Variants in OSBP2 observed in about 807,000 individuals in gnomAD.
The protein encoded by OSBP2 is oxysterol binding protein 2.
OSBP2 carries 66 observed loss-of-function variants against 96.0 expected under a neutral mutation model. The ratio of observed to expected loss-of-function variants is 0.69; its 90% CI spans 0.56 to 0.84. OSBP2 has a LOEUF of 0.84. OSBP2 is among the 40% of genes least tolerant of loss of function. The pLI is 0.00. For missense variants in OSBP2, 1,038 were observed against 1,222.7 expected, an observed-to-expected ratio of 0.85 and a Z score of 2.25; for synonymous variants, 525 against 520.9, an observed-to-expected ratio of 1.01 and a Z score of -0.11.
At chr22:30,836,659 G>A (rs548739088) in intron 2 of OSBP2, among the ~76,000 whole-genome samples, 1 of 152,332 alleles carries the variant, frequency 6.6e-6, no homozygotes, top group South Asian at 2.1e-4. Flanking sequence ...TTCAGGCAAA[G>A]GTGCTGATGC....
chr22:30,730,802 A>T (rs1569100649), intron 1 of OSBP2, among the ~76,000 whole-genome samples: 766 of 49,270 alleles, frequency 0.016, 92 homozygotes, highest in East Asian at 0.067. Flanking sequence ...ATATATATAT[A>T]TATATAATTT....
chr22:30,895,946 C>T (rs1462925830), intron 12 of OSBP2, among the ~76,000 whole-genome samples: 1 of 150,258 alleles, frequency 6.7e-6, no homozygotes, highest in African/African-American at 2.5e-5. Flanking sequence ...CAGTATTGGA[C>T]ACAGTACTTT....
At chr22:30,746,127 G>T (rs574993637) in intron 2 of OSBP2, among the ~76,000 whole-genome samples, 2 of 152,182 alleles carry the variant, frequency 1.3e-5, no homozygotes, top group Admixed American at 6.5e-5. Context: ...AACATTTAAA[G>T]AACTTGCAAG....
intron 2 of OSBP2, among the ~76,000 whole-genome samples, chr22:30,830,490 C>T (rs1224897105): frequency 6.6e-6 from 1 of 152,156 alleles, no homozygotes; most frequent in African/African-American, 2.4e-5. Context: ...CTGGTCAGGC[C>T]CACTGGGTGC....
chr22:30,877,605 G>T (rs117843916), intron 3 of OSBP2, among the ~76,000 whole-genome samples: 93 of 152,340 alleles, frequency 6.1e-4, no homozygotes, highest in Non-Finnish European at 8.1e-4. Context: ...GGTTCCGTCT[G>T]CAGGCCAGGG....
rs2039442350 is a variant in OSBP2 at position 30,870,773 on chromosome 22, C to A, written c.1107+91C>A. 2 of 1,365,830 alleles carry A rather than the reference C, an allele frequency of 1.5e-6. No individual in the cohort carries two copies. The highest frequency in any genetic ancestry group is 1.4e-5 in the African/African-American group (1 of 69,818). 84.6% of individuals were successfully genotyped at this position (1,365,830 alleles called of 1,614,324 possible). A position where few individuals can be genotyped will look rare whatever the true frequency, so the allele number is the denominator to read the frequency against. ...GGTGACCAGGGTCAGCTTGAAGGGT[C>A]AGCGTTCCATTTCCTGCGGTTCCAC... On this transcript the variant is annotated intron_variant, in intron 3 of 13. Transcript: ENST00000332585. This position sits in a 1 kb window ranked among gnomAD's most constrained non-coding sequence, Gnocchi z 4.1.
At chr22:30,768,654 G>C (rs1422039336) in intron 2 of OSBP2, among the ~76,000 whole-genome samples, 1 of 151,866 alleles carries the variant, frequency 6.6e-6, no homozygotes, top group African/African-American at 2.4e-5. Flanking sequence ...TCCAGCCTGG[G>C]GGACAAGAGC....
rs1490328220 is a variant in OSBP2 at position 30,893,103 on chromosome 22, C to A, written c.1870-19C>A. The A allele has an allele frequency of 6.2e-7, 1 of 1,613,180 alleles. No individual in the cohort carries two copies. Among genetic ancestry groups the A allele is most frequent in the Non-Finnish European group, 8.5e-7 (1 of 1,179,796 alleles). On this transcript the variant is annotated intron_variant, in intron 8 of 13. Transcript: ENST00000332585. ...GCTCATGTCTGGCAGATGCTCACAT[C>A]CTATGGGTCTGGTCTCAGGTGAGCC...
chr22:30,820,493 G>A (rs2038251346), intron 2 of OSBP2, among the ~76,000 whole-genome samples: 1 of 152,128 alleles, frequency 6.6e-6, no homozygotes, highest in African/African-American at 2.4e-5. Context: ...TGGGAGCCCA[G>A]GGCGCAGTAA....
intron 12 of OSBP2, among the ~76,000 whole-genome samples, chr22:30,898,679 G>A (rs1165769398): frequency 6.6e-6 from 1 of 151,908 alleles, no homozygotes; most frequent in Non-Finnish European, 1.5e-5. Flanking sequence ...CACCCCCATG[G>A]TCCAATCACC....
intron 2 of OSBP2, among the ~76,000 whole-genome samples, chr22:30,749,947 G>A (rs1790880362): frequency 6.6e-6 from 1 of 152,174 alleles, no homozygotes; most frequent in Non-Finnish European, 1.5e-5. Context: ...ACCAGGAGTG[G>A]AAGCAGTGAG....
At position 30,890,288 on chromosome 22, in the gene OSBP2, G is replaced by C. The variant is rs2039915484; in HGVS notation, c.1624-440G>C. 6.6e-6 allele frequency among the ~76,000 whole-genome samples: 1 copy of C among 152,062 alleles called. No individual in the cohort carries two copies. Among genetic ancestry groups the C allele is most frequent in the South Asian group, 2.1e-4 (1 of 4,816 alleles). ...CCCTGCCCTATGTGACACCGAGATAGGGGCCTTGGGCCTAACCCATCCTGT... is the reference window on the plus strand; with the variant it reads ...CCCTGCCCTATGTGACACCGAGATACGGGCCTTGGGCCTAACCCATCCTGT... On this transcript the variant is annotated intron_variant, in intron 7 of 13. Transcript: ENST00000332585. The surrounding 1 kb of genome is among the most constrained non-coding windows in gnomAD (Gnocchi z 4.4).
intron 2 of OSBP2, among the ~76,000 whole-genome samples, chr22:30,749,438 T>C (rs535635968): frequency 2.0e-5 from 3 of 152,310 alleles, no homozygotes; most frequent in South Asian, 2.1e-4. Flanking sequence ...TTATCTTGGC[T>C]TTATTCAAGA....
chr22:30,893,685 G>A lies in OSBP2; in HGVS notation c.2142G>A (p.Gln714=). The stretch of plus-strand genomic sequence containing the variant: ...ACCATAAGACCAATGACCGGTGCCA[G>A]CTGAAGTTCCTGCCCTACAGCTACT... ...IVNHKTNDRC[Q]LKFLPYSYFS... The change falls in exon 11 of 14, where the codon CAG becomes CAA. Residue 714 remains glutamine, a synonymous_variant. Coordinates refer to ENST00000332585, the MANE Select transcript of OSBP2 (RefSeq NM_030758.4). 2.5e-6 allele frequency: 4 copies of A among 1,614,210 alleles called. No individual in the cohort carries two copies. The highest frequency in any genetic ancestry group is 2.2e-5 in the South Asian group (2 of 91,088).
chr22:30,700,540 T>C (rs929247573), intron 1 of OSBP2, among the ~76,000 whole-genome samples: 7 of 152,170 alleles, frequency 4.6e-5, no homozygotes, highest in Non-Finnish European at 1.0e-4. Flanking sequence ...AGAAGTTTTA[T>C]CTATATTAAT....
At chr22:30,730,775 T>TC (rs1312570366) in intron 1 of OSBP2, among the ~76,000 whole-genome samples, 9 of 15,076 alleles carry the variant, frequency 6.0e-4, no homozygotes, top group South Asian at 3.6e-3. Flanking sequence ...TCTCTCTCTC[T>TC]ATATATATAT....
At chr22:30,901,898 C>T (rs2040204796) in intron 12 of OSBP2, among the ~76,000 whole-genome samples, 1 of 152,006 alleles carries the variant, frequency 6.6e-6, no homozygotes, top group Admixed American at 6.6e-5. Context: ...ATAGTCATAA[C>T]CCAGTAATTC....
At position 30,709,532 on chromosome 22, in the gene OSBP2, T is replaced by C. The variant is rs2089310004; in HGVS notation, c.644+13979T>C. On this transcript the variant is annotated intron_variant, in intron 1 of 13. Transcript: ENST00000332585. ...TTTGTTTGTTTGTTTTTTGTTTTTT[T>C]TTGAGACAGAGTCTCACTCTGTCTC... Among the ~76,000 whole-genome samples, 3 of 152,044 alleles carry C rather than the reference T, an allele frequency of 2.0e-5. No homozygotes were observed. In the South Asian group the frequency reaches 6.2e-4, roughly 32 times the overall value.
At chr22:30,694,814 C>T (rs1257367383), upstream of OSBP2, 1 of 576,086 alleles carries the variant, frequency 1.7e-6, no homozygotes, top group Non-Finnish European at 2.2e-6. Context: ...GCGCCCCCGC[C>T]TCGCGCCGCG....
Sources: allele counts gnomAD v4.1 joint callset (sites outside exome capture counted in the v4.1 genomes callset), GRCh38; gene constraint gnomAD v4.1.1; non-coding constraint Gnocchi (gnomAD v3.1); transcripts MANE v1.5; gene names NCBI Gene and HGNC (gene_info 2026-07-23, HGNC 2026-07-21).